The following AZIN1 variants were observed in gnomAD, a reference collection of about 807,000 sequenced individuals.
AZIN1 encodes the protein antizyme inhibitor 1.
Under a neutral mutation model 47.4 loss-of-function variants are expected in AZIN1, and 12 were observed. The observed-to-expected ratio is 0.25, with a 90% CI of 0.16 to 0.41. The LOEUF (loss-of-function observed/expected upper bound fraction) is 0.41, where lower values mean the gene tolerates loss of function less well. Among genes scored for constraint, AZIN1 ranks in the 10% least tolerant of loss-of-function variants. The pLI is 1.00. For missense variants in AZIN1, 410 were observed against 532.4 expected, an observed-to-expected ratio of 0.77 and a Z score of 2.26; for synonymous variants, 155 against 176.3, an observed-to-expected ratio of 0.88 and a Z score of 0.96.
At position 102,829,489 on chromosome 8, in the gene AZIN1, G is replaced by A. The variant is rs766437768; in HGVS notation, c.1021-3C>T. ...AGAGGCTCATCTTCCTTGTATTTCT[G>A]TAGGAAAAGTTTTACAATTTAATTT... On this transcript the variant is annotated splice_region_variant and splice_polypyrimidine_tract_variant and intron_variant, in intron 10 of 11. Coordinates refer to ENST00000337198, the MANE Select transcript of AZIN1 (RefSeq NM_148174.4). The A allele has an allele frequency of 3.8e-6, 6 of 1,592,506 alleles. No individual in the cohort carries two copies. The South Asian group carries it at 4.6e-5, about 12-fold the overall frequency.
At chr8:102,849,235 G>A (rs531527460) in intron 2 of AZIN1, among the ~76,000 whole-genome samples, 123 of 152,278 alleles carry the variant, frequency 8.1e-4, no homozygotes, top group African/African-American at 2.8e-3. Flanking sequence ...GGAGGTTACA[G>A]TGAGCTGAGA....
chr8:102,845,451 A>C (rs1812509426), intron 2 of AZIN1, among the ~76,000 whole-genome samples: 1 of 152,234 alleles, frequency 6.6e-6, no homozygotes, highest in Non-Finnish European at 1.5e-5. Flanking sequence ...GCCTATCTAA[A>C]TAGACCTAAT....
chr8:102,861,745 A>C (rs558631253), intron 1 of AZIN1, among the ~76,000 whole-genome samples: 1 of 152,206 alleles, frequency 6.6e-6, no homozygotes, highest in South Asian at 2.1e-4. Flanking sequence ...TGGGTTTAAA[A>C]AAAAAAATCA....
Position 102,833,067 on chromosome 8 carries a change from A to T in AZIN1, c.893T>A (p.Phe298Tyr). ...ACTTTATAACTTACCTCCAGAGGGA[A>T]ATTTATCATTTTCAACAACTTTCTT... ...IAKKVVENDK[F>Y]PSGVEKTGSD... Residue 298 changes from phenylalanine (F) to tyrosine (Y), a missense_variant, in exon 9 of 12, where the codon TTT becomes TAT. Phe to Tyr is a conservative substitution (Grantham distance 22). This residue lies in a region of AZIN1 where 168 missense variants were observed against 198.3 expected (regional missense o/e 0.85). Coordinates refer to ENST00000337198, the MANE Select transcript of AZIN1 (RefSeq NM_148174.4). 6.2e-7 allele frequency: 1 copy of T among 1,610,474 alleles called. No homozygotes were observed. The highest frequency in any genetic ancestry group is 8.5e-7 in the Non-Finnish European group (1 of 1,177,284).
At chr8:102,845,104 A>G (rs1812483587) in intron 2 of AZIN1, among the ~76,000 whole-genome samples, 1 of 152,110 alleles carries the variant, frequency 6.6e-6, no homozygotes, top group African/African-American at 2.4e-5. Flanking sequence ...AAACCTGCAC[A>G]TCCTTTCCTG....
chr8:102,860,128 G>A (rs79499837), intron 1 of AZIN1, among the ~76,000 whole-genome samples: 2,493 of 152,250 alleles, frequency 0.016, 69 homozygotes, highest in African/African-American at 0.056. Flanking sequence ...GCGGAGAAAA[G>A]GCAGTATGGA....
chr8:102,831,973 T>G (rs1490962323), intron 9 of AZIN1, among the ~76,000 whole-genome samples: 1 of 152,028 alleles, frequency 6.6e-6, no homozygotes, highest in Non-Finnish European at 1.5e-5. Context: ...TCATCAATAT[T>G]AGAATTGGCC....
At chr8:102,853,359 G>A (rs767835200) in intron 2 of AZIN1, among the ~76,000 whole-genome samples, 9 of 152,110 alleles carry the variant, frequency 5.9e-5, no homozygotes, top group East Asian at 1.9e-4. Flanking sequence ...AAAATTAGTC[G>A]GGCATGGTGG....
chr8:102,830,313 G>T (rs1811355760), intron 9 of AZIN1: 1 of 161,596 alleles, frequency 6.2e-6, no homozygotes, highest in African/African-American at 2.4e-5. Flanking sequence ...TTGAATCCGG[G>T]AGGCGGAGGT....
At chr8:102,829,670 A>T in intron 10 of AZIN1, 151 bp downstream of exon 10, 1 of 800,510 alleles carries the variant, frequency 1.2e-6, no homozygotes, top group Middle Eastern at 3.2e-4. Context: ...CAACAAACTA[A>T]AAAAGGGACT....
chr8:102,849,365 T>C (rs960080756), intron 2 of AZIN1, among the ~76,000 whole-genome samples: 1 of 152,118 alleles, frequency 6.6e-6, no homozygotes, highest in South Asian at 2.1e-4. Flanking sequence ...CCACTAAGAA[T>C]GCAGACTCAA....
intron 8 of AZIN1, among the ~76,000 whole-genome samples, chr8:102,833,892 A>T (rs1200922947): frequency 1.1e-4 from 13 of 121,154 alleles, no homozygotes; most frequent in Non-Finnish European, 2.1e-4. Flanking sequence ...GGAAGACTTT[A>T]AAAAAAAAAA....
intron 2 of AZIN1, among the ~76,000 whole-genome samples, chr8:102,848,323 C>CAAAAAA (rs60663839): frequency 1.1e-5 from 1 of 91,588 alleles, no homozygotes; most frequent in African/African-American, 3.9e-5. Flanking sequence ...ACTAAAAGGC[C>CAAAAAA]AAAAAAAAAA....
At chr8:102,840,993 T>C (rs535091749) in intron 3 of AZIN1, among the ~76,000 whole-genome samples, 3 of 151,232 alleles carry the variant, frequency 2.0e-5, no homozygotes, top group Admixed American at 1.3e-4. Context: ...ACAAGAGAAA[T>C]GGGATGAAAC....
At chr8:102,843,799 G>C in intron 2 of AZIN1, 52 bp from the exon 3 acceptor site, 1 of 1,255,542 alleles carries the variant, frequency 8.0e-7, no homozygotes. Context: ...TAGACATAAT[G>C]TACGAGTCAA....
chr8:102,832,919 C>T (rs563760701), intron 9 of AZIN1, 137 bp downstream of exon 9: 106 of 717,416 alleles, frequency 1.5e-4, no homozygotes, highest in Admixed American at 4.0e-4. Flanking sequence ...GGATTATAGG[C>T]GTGAGCCACC....
intron 3 of AZIN1, among the ~76,000 whole-genome samples, chr8:102,842,523 T>G (rs1038594040): frequency 6.6e-6 from 1 of 151,488 alleles, no homozygotes; most frequent in African/African-American, 2.4e-5. Flanking sequence ...CTGGCCAACA[T>G]GGTGAAACCC....
At chr8:102,859,033 A>G (rs1813462933) in intron 1 of AZIN1, 1 of 152,192 alleles carries the variant, frequency 6.6e-6, no homozygotes, top group Non-Finnish European at 1.5e-5. Context: ...TTATAAAGTC[A>G]AGAGTTGGAG....
At chr8:102,834,400 A>G in intron 7 of AZIN1, 137 bp from the exon 8 acceptor site, 1 of 689,492 alleles carries the variant, frequency 1.5e-6, no homozygotes. Flanking sequence ...TTACTGATAG[A>G]AACAGATTAT....
Sources: allele counts gnomAD v4.1 joint callset (sites outside exome capture counted in the v4.1 genomes callset), GRCh38; gene constraint gnomAD v4.1.1; regional missense constraint gnomAD v4.1.1; transcripts MANE v1.5; gene names NCBI Gene and HGNC (gene_info 2026-07-23, HGNC 2026-07-21).